LRP1B: variants seen among roughly 807,000 people sequenced by gnomAD.
LRP1B encodes the protein low-density lipoprotein receptor-related protein 1B.
A neutral mutation model predicts 556.6 loss-of-function variants in LRP1B; 217 were observed. The observed-to-expected ratio is 0.39, with a 90% confidence interval of 0.35 to 0.44. The LOEUF (loss-of-function observed/expected upper bound fraction) is 0.44, where lower values mean the gene tolerates loss of function less well. LRP1B is among the 20% of genes least tolerant of loss of function. The pLI is 1.00. For missense variants in LRP1B, 5,053 were observed against 5,620.8 expected, an observed-to-expected ratio of 0.90 and a Z score of 3.23; for synonymous variants, 2,047 against 1,865.8, an observed-to-expected ratio of 1.10 and a Z score of -2.50.
In LRP1B at chr2:141,656,208, G is replaced by A. The variant is rs146128881; in HGVS notation, c.205+154071C>T. Among the ~76,000 whole-genome samples the A allele has an allele frequency of 4.4e-3, 663 of 152,130 alleles. 8 individuals are homozygous for A. Among genetic ancestry groups the A allele is most frequent in the African/African-American group, 0.014 (592 of 41,512 alleles). On this transcript the variant is annotated intron_variant, in intron 2 of 90. Transcript: ENST00000389484. ...CATGTTGCCTCCCTTAAAATTAAAC[G>A]GTACTTCTTAACTATGATATGTGGT... is the stretch of plus-strand genomic sequence containing the variant.
In LRP1B at chr2:140,345,717, TATATATATACACATATATATAC is replaced by T. The variant is rs1225036518; in HGVS notation, c.11892+5058_11892+5079del. Among the ~76,000 whole-genome samples the T allele has an allele frequency of 8.3e-4, 120 of 145,224 alleles. 2 individuals are homozygous for T. Among genetic ancestry groups the T allele is most frequent in the Admixed American group, 3.4e-3 (49 of 14,230 alleles). On this transcript the variant is annotated intron_variant, in intron 77 of 90. Transcript: ENST00000389484. ...CATGTCCTCTCATAACTCATATATG[TATATATATACACATATATATAC>T]ATATATATACACATATATACATATA...
At position 141,247,299 on chromosome 2, in the gene LRP1B, A is replaced by G. The variant is rs759672116; in HGVS notation, c.519T>C (p.His173=). Residue 173 remains histidine (H), a synonymous_variant, in exon 5 of 91, where the codon CAT becomes CAC. Coordinates refer to ENST00000389484, the MANE Select transcript of LRP1B (RefSeq NM_018557.3). The stretch of plus-strand genomic sequence containing the variant: ...CCACACAACTGCAAGTGTAGGATCC[A>G]TGTGTGTTTCTGCAGGTCTGGCTGC... ...GTCSQTCRNT[H]GSYTCSCVEG... is the part of the protein sequence containing the mutation. 14 of 1,613,842 alleles carry G rather than the reference A, an allele frequency of 8.7e-6. No homozygotes were observed. Among genetic ancestry groups the G allele is most frequent in the Middle Eastern group, 3.3e-4 (2 of 6,056 alleles).
chr2:141,318,654 T>G (rs755561963), intron 3 of LRP1B, among the ~76,000 whole-genome samples: 101 of 152,224 alleles, frequency 6.6e-4, no homozygotes, highest in Non-Finnish European at 1.3e-3. Context: ...AGTCTGCAGA[T>G]GAAAATATGA....
rs1415939660 is a variant in LRP1B at position 140,510,034 on chromosome 2, G to A, written c.8292C>T (p.Asp2764=). The change falls in exon 52 of 91, where the codon GAC becomes GAT. Residue 2764 remains aspartate (D), a synonymous_variant. Coordinates refer to ENST00000389484, the MANE Select transcript of LRP1B (RefSeq NM_018557.3). ...SICGAITCAA[D]MFSCQGSRAC... is the part of the protein sequence containing the mutation. ...CACGAGAGCCCTGGCAGCTGAACAT[G>A]TCAGCAGCACAGGTTATGGCACCTG... 1.2e-6 allele frequency: 2 copies of A among 1,613,684 alleles called. No individual in the cohort carries two copies. Among genetic ancestry groups the A allele is most frequent in the African/African-American group, 1.3e-5 (1 of 74,882 alleles).
intron 3 of LRP1B, among the ~76,000 whole-genome samples, chr2:141,379,142 A>C (rs1689544256): frequency 6.6e-6 from 1 of 152,200 alleles, no homozygotes; most frequent in Admixed American, 6.5e-5. Context: ...CCATGTATAA[A>C]GGATCTCAAT....
intron 3 of LRP1B, among the ~76,000 whole-genome samples, chr2:141,433,495 TCTAA>T (rs1423536172): frequency 1.3e-5 from 2 of 152,126 alleles, no homozygotes; most frequent in African/African-American, 4.8e-5. Flanking sequence ...TACTAAGTTC[TCTAA>T]CTTTTATTGT....
intron 3 of LRP1B, among the ~76,000 whole-genome samples, chr2:141,333,281 C>T (rs556468782): frequency 6.6e-6 from 1 of 152,140 alleles, no homozygotes; most frequent in East Asian, 1.9e-4. Context: ...ATCCTTCTAA[C>T]TTTGTGGATT....
intron 43 of LRP1B, 98 bp downstream of exon 43, chr2:140,598,533 G>T: frequency 1.2e-6 from 1 of 865,622 alleles, no homozygotes; most frequent in Non-Finnish European, 1.8e-6. Flanking sequence ...TGGCTATTTT[G>T]AAATTCCTTG....
chr2:141,019,880 A>G, intron 12 of LRP1B, 42 bp downstream of exon 12: 1 of 1,355,888 alleles, frequency 7.4e-7, no homozygotes, highest in Non-Finnish European at 1.0e-6. Flanking sequence ...AAATTTATCT[A>G]TTATCATTTT....
intron 2 of LRP1B, among the ~76,000 whole-genome samples, chr2:141,686,087 T>C (rs1485333471): frequency 6.6e-6 from 1 of 152,016 alleles, no homozygotes. Flanking sequence ...ATATTAAATT[T>C]TGACCCACTG....
chr2:141,698,443 T>C (rs1036494056), intron 2 of LRP1B, among the ~76,000 whole-genome samples: 6 of 150,006 alleles, frequency 4.0e-5, no homozygotes, highest in African/African-American at 1.5e-4. Flanking sequence ...CCTAAAGGGC[T>C]CACTTGTTCT....
In LRP1B at chr2:140,832,675, T is replaced by C. The variant is rs142994642; in HGVS notation, c.5209+7316A>G. Among the ~76,000 whole-genome samples, 937 of 152,260 alleles carry C rather than the reference T, an allele frequency of 6.2e-3. 12 individuals carry two copies. Among genetic ancestry groups the C allele is most frequent in the African/African-American group, 0.021 (855 of 41,558 alleles). On this transcript the variant is annotated intron_variant, in intron 31 of 90. Transcript: ENST00000389484. ...AATACCACATGTTCTCCCACATATATGGAAGCTAAAAAAGTAGATCTCTTG... is the reference window on the plus strand; with the variant it reads ...AATACCACATGTTCTCCCACATATACGGAAGCTAAAAAAGTAGATCTCTTG...
intron 56 of LRP1B, 70 bp from the exon 57 acceptor site, chr2:140,492,763 TTA>T: frequency 9.0e-7 from 1 of 1,109,916 alleles, no homozygotes; most frequent in Non-Finnish European, 1.4e-6. Context: ...TAATTTCAGT[TTA>T]GTTTAGCAGC....
At chr2:141,324,115 CA>C (rs1318519092) in intron 3 of LRP1B, among the ~76,000 whole-genome samples, 4 of 109,960 alleles carry the variant, frequency 3.6e-5, no homozygotes, top group African/African-American at 9.0e-5. Flanking sequence ...ACAAAGAAAT[CA>C]CACACACACA....
At chr2:140,721,148 A>G (rs1687386132) in intron 35 of LRP1B, among the ~76,000 whole-genome samples, 1 of 152,070 alleles carries the variant, frequency 6.6e-6, no homozygotes, top group South Asian at 2.1e-4. Flanking sequence ...TAATGCTTTT[A>G]TTTTTCGCTT....
chr2:140,675,787 T>C (rs950453264), intron 41 of LRP1B, among the ~76,000 whole-genome samples: 4 of 152,100 alleles, frequency 2.6e-5, no homozygotes, highest in African/African-American at 9.7e-5. Flanking sequence ...TATAAAATAA[T>C]ATAGACAGAG....
At chr2:141,652,680 T>C (rs575527540) in intron 2 of LRP1B, among the ~76,000 whole-genome samples, 38 of 152,306 alleles carry the variant, frequency 2.5e-4, no homozygotes, top group Non-Finnish European at 4.3e-4. Context: ...TTCAATTATT[T>C]CCTTTAAAAA....
At chr2:140,481,882 T>A (rs1688261279) in intron 59 of LRP1B, among the ~76,000 whole-genome samples, 1 of 152,124 alleles carries the variant, frequency 6.6e-6, no homozygotes, top group Non-Finnish European at 1.5e-5. Flanking sequence ...TGTAATTTGT[T>A]GGATGTGCCA....
At chr2:140,541,168 C>T (rs765559912) in intron 44 of LRP1B, 70 bp from the exon 45 acceptor site, 10 of 1,303,944 alleles carry the variant, frequency 7.7e-6, no homozygotes, top group African/African-American at 2.9e-5. Flanking sequence ...AAATATTAAT[C>T]GTAAACTATT....
Sources: gnomAD v4.1 joint callset for allele counts (sites outside exome capture counted in the v4.1 genomes callset) on GRCh38, gnomAD v4.1.1 for gene constraint, MANE v1.5 for transcripts, NCBI Gene and HGNC (gene_info 2026-07-23, HGNC 2026-07-21) for gene names.